Variants in KDELR3 observed in about 807,000 individuals in gnomAD.
The protein encoded by KDELR3 is ER lumen protein-retaining receptor 3.
KDELR3 carries 26 observed loss-of-function variants against 22.7 expected under a neutral mutation model. The observed-to-expected ratio is 1.15, with a 90% CI of 0.84 to 1.59. The LOEUF is 1.59. KDELR3 is among the 40% of genes most tolerant of loss of function. The probability of loss-of-function intolerance (pLI) is 0.00; values close to 1 mark genes in which losing one functional copy is unlikely to be tolerated. For synonymous variants in KDELR3, 120 were observed against 98.2 expected (o/e 1.22, Z -1.31); for missense variants, 289 against 251.1 (o/e 1.15, Z -1.02).
chr22:38,478,629 ATTTTTTTTTT>A (rs55884876), intron 2 of KDELR3, among the ~76,000 whole-genome samples: 4 of 43,564 alleles, frequency 9.2e-5, no homozygotes, highest in African/African-American at 2.8e-4. Flanking sequence ...AGCATCTGTG[ATTTTTTTTTT>A]TTTTTTTTTT....
At chr22:38,481,167 C>T in intron 3 of KDELR3, 45 bp from the exon 4 acceptor site, 2 of 1,531,810 alleles carry the variant, frequency 1.3e-6, no homozygotes, top group Admixed American at 2.0e-5. Context: ...AGATGGGCCT[C>T]TTCTTGGTCT....
intron 2 of KDELR3, among the ~76,000 whole-genome samples, chr22:38,477,497 C>A (rs2089568675): frequency 6.6e-6 from 1 of 152,216 alleles, no homozygotes; most frequent in African/African-American, 2.4e-5. Flanking sequence ...GCCACCGTGC[C>A]TGGCCTAGGA....
intron 1 of KDELR3, among the ~76,000 whole-genome samples, chr22:38,469,506 G>A (rs2089510694): frequency 6.6e-6 from 1 of 152,182 alleles, no homozygotes; most frequent in African/African-American, 2.4e-5. Context: ...CGGTGTGGAG[G>A]GAGTGGTTCT....
At chr22:38,477,692 G>T (rs1324995992) in intron 2 of KDELR3, among the ~76,000 whole-genome samples, 1 of 152,182 alleles carries the variant, frequency 6.6e-6, no homozygotes, top group Non-Finnish European at 1.5e-5. Flanking sequence ...TAGAGTGGAG[G>T]TTGCTGTTAC....
At chr22:38,479,394 G>A (rs2089582481) in intron 2 of KDELR3, among the ~76,000 whole-genome samples, 199 bp from the exon 3 acceptor site, 1 of 152,174 alleles carries the variant, frequency 6.6e-6, no homozygotes, top group South Asian at 2.1e-4. Context: ...CAGTATAGAA[G>A]CATGGAGTTA....
intron 3 of KDELR3, 151 bp from the exon 4 acceptor site, chr22:38,481,061 A>G: frequency 5.5e-6 from 4 of 722,766 alleles, no homozygotes; most frequent in Non-Finnish European, 9.2e-6. Flanking sequence ...ATGGTAGGTT[A>G]AACTGATTAA....
intron 3 of KDELR3, among the ~76,000 whole-genome samples, chr22:38,480,291 G>C (rs1263182571): frequency 6.6e-6 from 1 of 151,852 alleles, no homozygotes; most frequent in Non-Finnish European, 1.5e-5. Context: ...TTATAGGCAC[G>C]AGCCACCACA....
intron 1 of KDELR3, 65 bp downstream of exon 1, chr22:38,468,389 A>G (rs995028249): frequency 2.1e-6 from 3 of 1,444,828 alleles, no homozygotes; most frequent in Non-Finnish European, 1.9e-6. Context: ...CCCTGCGTGC[A>G]GGGCAGGGCG....
At chr22:38,471,780 A>G (rs1234931745) in intron 1 of KDELR3, among the ~76,000 whole-genome samples, 1 of 152,086 alleles carries the variant, frequency 6.6e-6, no homozygotes, top group Non-Finnish European at 1.5e-5. Flanking sequence ...CTTGGGCAAC[A>G]TGGCAAAATC....
At chr22:38,477,356 C>T (rs1199149658) in intron 2 of KDELR3, among the ~76,000 whole-genome samples, 1 of 151,928 alleles carries the variant, frequency 6.6e-6, no homozygotes, top group Non-Finnish European at 1.5e-5. Context: ...AGGTGCACAC[C>T]ACCATGCCTG....
chr22:38,482,677 C>G lies in KDELR3; in HGVS notation c.*141C>G. 1.4e-6 allele frequency: 1 copy of G among 715,242 alleles called. No homozygotes were observed. The highest frequency in any genetic ancestry group is 1.7e-5 in the South Asian group (1 of 57,392). The allele number at this position is 715,242 out of a possible 1,614,324, so 44.3% of individuals were successfully genotyped here. A position where few individuals can be genotyped will look rare whatever the true frequency, so the allele number is the denominator to read the frequency against. On this transcript the variant is annotated 3_prime_UTR_variant, in exon 5 of 5. Transcript: ENST00000216014. ...AGTGTGGATTTCAGCAAAACCTGAT[C>G]ATCCCACCCAGAAGACCTTCTCATC...
chr22:38,468,145 C>T lies in KDELR3; in HGVS notation c.-89C>T, dbSNP rs2089498184. The T allele has an allele frequency of 1.7e-6, 2 of 1,180,624 alleles. No individual in the cohort carries two copies. The highest frequency in any genetic ancestry group is 2.5e-6 in the Non-Finnish European group (2 of 803,210). The allele number at this position is 1,180,624 out of a possible 1,614,324, so 73.1% of individuals were successfully genotyped here. ...GGCAGGGCTCTGGGGCACCTAGAGA[C>T]CGGGGCCGGAGACGTGGCAGCCGCC... On this transcript the variant is annotated 5_prime_UTR_variant, in exon 1 of 5. Transcript: ENST00000216014.
At chr22:38,478,201 T>C (rs987963642) in intron 2 of KDELR3, among the ~76,000 whole-genome samples, 2 of 151,022 alleles carry the variant, frequency 1.3e-5, no homozygotes, top group African/African-American at 2.5e-5. Flanking sequence ...TCTAGGCCAG[T>C]GTGGTCCTGC....
At chr22:38,482,160 G>A (rs2089607992) in intron 4 of KDELR3, among the ~76,000 whole-genome samples, 1 of 152,156 alleles carries the variant, frequency 6.6e-6, no homozygotes, top group Non-Finnish European at 1.5e-5. Flanking sequence ...CTAGCTATGG[G>A]GCAGTTGCAG....
chr22:38,482,528 C>G lies in KDELR3; in HGVS notation c.637C>G (p.Pro213Ala). 1 of 1,612,340 alleles carries G rather than the reference C, an allele frequency of 6.2e-7. No homozygotes were observed. Among genetic ancestry groups the G allele is most frequent in the Non-Finnish European group, 8.5e-7 (1 of 1,178,388 alleles). ...GGGAAAGAAGTTAAGTCTTCCAATG[C>G]CAATCTGAGGACCTTCAGAGACAGT... ...LKGKKLSLPM[P>A]I Residue 213 changes from proline to alanine, a missense_variant, in exon 5 of 5, where the codon CCA (proline) becomes GCA (alanine). Pro to Ala is a conservative substitution (Grantham distance 27). Transcript: ENST00000216014.
intron 1 of KDELR3, among the ~76,000 whole-genome samples, chr22:38,473,100 TAAAA>T (rs1000646102): frequency 6.6e-6 from 1 of 151,942 alleles, no homozygotes; most frequent in African/African-American, 2.4e-5. Flanking sequence ...AATAAAAAGT[TAAAA>T]AAAGAAAGAG....
Position 38,479,701 on chromosome 22 carries a change from CCA to C in KDELR3, c.302_303del (p.Pro101ArgfsTer8). The stretch of plus-strand genomic sequence containing the variant: ...ATTCCGCCTGGAGTTTCTTCTGGTC[CCA>C]GTCATTGGCCTTTCCTTCCTTGAAA... Reference protein sequence around the residue: ...DTFRLEFLLVPVIGLSFLENY... With the variant: ...DTFRLEFLLVXVIGLSFLENY... On this transcript the variant is annotated frameshift_variant, in exon 3 of 5. Coordinates refer to ENST00000216014, the MANE Select transcript of KDELR3 (RefSeq NM_006855.4). LOFTEE classifies it high-confidence loss of function. 1 of 1,614,090 alleles carries C rather than the reference CCA, an allele frequency of 6.2e-7. No individual in the cohort carries two copies. The highest frequency in any genetic ancestry group is 1.3e-5 in the African/African-American group (1 of 74,998).
intron 2 of KDELR3, among the ~76,000 whole-genome samples, chr22:38,477,485 G>C (rs1189555533): frequency 6.6e-6 from 1 of 152,196 alleles, no homozygotes; most frequent in Non-Finnish European, 1.5e-5. Flanking sequence ...TTACAGGCGA[G>C]AGCCACCGTG....
chr22:38,471,246 G>C (rs537157011), intron 1 of KDELR3, among the ~76,000 whole-genome samples: 11 of 152,354 alleles, frequency 7.2e-5, no homozygotes, highest in Non-Finnish European at 1.5e-4. Flanking sequence ...TGAGGATGAA[G>C]AGAAAAGAGG....
Sources: gnomAD v4.1 joint callset for allele counts (sites outside exome capture counted in the v4.1 genomes callset) on GRCh38, gnomAD v4.1.1 for gene constraint, MANE v1.5 for transcripts, NCBI Gene and HGNC (gene_info 2026-07-23, HGNC 2026-07-21) for gene names.